PTK7: variants seen among roughly 807,000 people sequenced by gnomAD.
The protein encoded by PTK7 is inactive tyrosine-protein kinase 7.
In PTK7, 39 loss-of-function variants were observed where a neutral mutation model predicts 116.6. That is an observed-to-expected ratio of 0.33 (90% CI 0.26 to 0.44). The LOEUF (loss-of-function observed/expected upper bound fraction) is 0.44, where lower values mean the gene tolerates loss of function less well. PTK7 is among the 20% of genes least tolerant of loss of function. The pLI is 1.00. For missense variants in PTK7, 1,169 were observed against 1,425.6 expected (o/e 0.82, Z 2.90); for synonymous variants, 546 against 563.6 (o/e 0.97, Z 0.44).
intron 7 of PTK7, chr6:43,133,021 G>T: frequency 2.1e-6 from 1 of 474,964 alleles, no homozygotes; most frequent in South Asian, 5.5e-5. Flanking sequence ...CCACCTTACT[G>T]GGGTTCAGTC....
At position 43,076,588 on chromosome 6, in the gene PTK7, G is replaced by T; in HGVS notation, c.79+21G>T. 6.4e-7 allele frequency: 1 copy of T among 1,569,674 alleles called. No homozygotes were observed. Among genetic ancestry groups the T allele is most frequent in the Non-Finnish European group, 8.6e-7 (1 of 1,163,564 alleles). ...GGGCGGTGAGTACCCGAGAGTTGGG[G>T]GCACAGAGCTTGGGAAGCGCGGGAG... On this transcript the variant is annotated intron_variant, in intron 1 of 19. Transcript: ENST00000230419. The surrounding 1 kb of genome is among the most constrained non-coding windows in gnomAD (Gnocchi z 5.7).
chr6:43,129,143 C>T lies in PTK7; in HGVS notation c.246C>T (p.Gly82=), dbSNP rs1392548377. The change falls in exon 2 of 20, where the codon GGC becomes GGT. Residue 82 remains glycine (G), a synonymous_variant. Transcript: ENST00000230419. This position sits in a 1 kb window ranked among gnomAD's most constrained non-coding sequence, Gnocchi z 4.5. ...VQDTERRFAQ[G]SSLSFAAVDR... is the part of the protein sequence containing the mutation. Reference sequence around the variant, plus strand: ...ACACGGAGCGGCGTTTCGCCCAGGGCAGCAGCCTGAGCTTTGCAGCTGTGG... The same window carrying T: ...ACACGGAGCGGCGTTTCGCCCAGGGTAGCAGCCTGAGCTTTGCAGCTGTGG... The T allele has an allele frequency of 6.2e-7, 1 of 1,614,108 alleles. No individual in the cohort carries two copies. The highest frequency in any genetic ancestry group is 1.3e-5 in the African/African-American group (1 of 74,954).
At chr6:43,119,370 C>T (rs1204740529) in intron 1 of PTK7, among the ~76,000 whole-genome samples, 1 of 152,182 alleles carries the variant, frequency 6.6e-6, no homozygotes, top group Non-Finnish European at 1.5e-5. Context: ...AAGGCTACAA[C>T]CAGTCCAAGG....
chr6:43,086,509 A>G (rs1766667748), intron 1 of PTK7, among the ~76,000 whole-genome samples: 2 of 151,410 alleles, frequency 1.3e-5, no homozygotes, highest in African/African-American at 4.9e-5. Flanking sequence ...CCCAGCAGCT[A>G]GCTCGTATGG....
In PTK7 at chr6:43,145,369, G is replaced by A. The variant is rs1770667430; in HGVS notation, c.2577G>A (p.Val859=). The change falls in exon 16 of 20, where the codon GTG becomes GTA. Residue 859 remains valine, a synonymous_variant. Transcript: ENST00000230419. The surrounding 1 kb of genome is among the most constrained non-coding windows in gnomAD (Gnocchi z 4.8). ...MFGKLNHANV[V]RLLGLCREAE... ...GGAAGCTGAACCACGCCAACGTGGTGCGGCTCCTGGGGCTGTGCCGGGAGG... is the reference window on the plus strand; with the variant it reads ...GGAAGCTGAACCACGCCAACGTGGTACGGCTCCTGGGGCTGTGCCGGGAGG... The A allele has an allele frequency of 4.3e-6, 7 of 1,613,326 alleles. No individual in the cohort carries two copies. Among genetic ancestry groups the A allele is most frequent in the African/African-American group, 1.3e-5 (1 of 74,940 alleles).
At chr6:43,099,379 A>C (rs1484016927) in intron 1 of PTK7, among the ~76,000 whole-genome samples, 1 of 151,946 alleles carries the variant, frequency 6.6e-6, no homozygotes, top group African/African-American at 2.4e-5. Context: ...ACTACAGGCA[A>C]GCACCACCAT....
intron 16 of PTK7, 122 bp from the exon 17 acceptor site, chr6:43,146,496 G>C: frequency 1.2e-6 from 1 of 833,100 alleles, no homozygotes; most frequent in East Asian, 2.5e-5. Context: ...AAGGGGCCCA[G>C]GCTAGCTTAG....
intron 17 of PTK7, among the ~76,000 whole-genome samples, chr6:43,148,904 C>A (rs1770884010): frequency 6.6e-6 from 1 of 150,514 alleles, no homozygotes; most frequent in Non-Finnish European, 1.5e-5. Flanking sequence ...ACTAAAAATA[C>A]AAAAATTAGC....
rs998330240 is a variant in PTK7, at chr6:43,077,039, G to T, written c.79+472G>T. The T allele has an allele frequency of 7.5e-6, 10 of 1,336,364 alleles. No homozygotes were observed. The African/African-American group carries it at 1.5e-4, about 20-fold the overall frequency. 82.8% of individuals were successfully genotyped at this position (1,336,364 alleles called of 1,614,324 possible). A position where few individuals can be genotyped will look rare whatever the true frequency, so the allele number is the denominator to read the frequency against. On this transcript the variant is annotated intron_variant, in intron 1 of 19. Transcript: ENST00000230419. ...GCCGGACAGACCTGCGGCGCGCAAAGCGCGGAGCTTTGTTACCTACGCCGA... is the reference window on the plus strand; with the variant it reads ...GCCGGACAGACCTGCGGCGCGCAAATCGCGGAGCTTTGTTACCTACGCCGA...
intron 17 of PTK7, among the ~76,000 whole-genome samples, chr6:43,157,364 A>ATATATATATATATTTTTTTTTT (rs70990168): frequency 3.7e-5 from 2 of 54,366 alleles, no homozygotes; most frequent in Non-Finnish European, 6.5e-5. Flanking sequence ...ATATATATAT[A>ATATATATATATATTTTTTTTTT]TTTTTTTTTT....
At chr6:43,079,783 A>T (rs1766265470) in intron 1 of PTK7, among the ~76,000 whole-genome samples, 1 of 151,334 alleles carries the variant, frequency 6.6e-6, no homozygotes, top group Non-Finnish European at 1.5e-5. Flanking sequence ...ATCATCTCTA[A>T]GGGCCAGGTT....
chr6:43,113,426 C>A (rs1768300787), intron 1 of PTK7, among the ~76,000 whole-genome samples: 1 of 151,736 alleles, frequency 6.6e-6, no homozygotes, highest in Non-Finnish European at 1.5e-5. Context: ...GAGCGGTACT[C>A]CATCTCAAAA....
intron 1 of PTK7, among the ~76,000 whole-genome samples, chr6:43,084,721 G>C (rs1486095414): frequency 6.6e-6 from 1 of 152,186 alleles, no homozygotes; most frequent in East Asian, 1.9e-4. Context: ...TTGGTAAAGT[G>C]CTAAGTAGAA....
chr6:43,122,592 G>T (rs1769025434), intron 1 of PTK7, among the ~76,000 whole-genome samples: 1 of 150,940 alleles, frequency 6.6e-6, no homozygotes, highest in Non-Finnish European at 1.5e-5. Context: ...AGGCCGTGGA[G>T]CCGGGGACTG....
chr6:43,129,300 C>G lies in PTK7; in HGVS notation c.367+36C>G, dbSNP rs372915653. 9 of 1,611,398 alleles carry G rather than the reference C, an allele frequency of 5.6e-6. No individual in the cohort carries two copies. In the African/African-American group the frequency reaches 1.2e-4, roughly 22 times the overall value. ...GGGGGGCTGTGCCCAGTCCCCCTGT[C>G]AGACCCTCAATGACTGAGGCCTGGG... On this transcript the variant is annotated intron_variant, in intron 2 of 19. Transcript: ENST00000230419. This position sits in a 1 kb window ranked among gnomAD's most constrained non-coding sequence, Gnocchi z 4.5.
chr6:43,134,043 T>C (rs559135047), intron 7 of PTK7, among the ~76,000 whole-genome samples: 2 of 152,246 alleles, frequency 1.3e-5, no homozygotes, highest in East Asian at 3.9e-4. Flanking sequence ...GGGATACTTT[T>C]TCTTCTTTTG....
rs775796936 is a variant in PTK7 at position 43,145,230 on chromosome 6, C to T, written c.2438C>T (p.Ala813Val). The T allele has an allele frequency of 1.9e-6, 3 of 1,611,976 alleles. No homozygotes were observed. The highest frequency in any genetic ancestry group is 2.5e-6 in the Non-Finnish European group (3 of 1,178,726). Residue 813 changes from alanine (A) to valine (V), a missense_variant, in exon 16 of 20, where the codon GCA becomes GTA. Ala to Val is a moderately conservative substitution (Grantham distance 64, BLOSUM62 0). This residue lies in a region of PTK7 where 678 missense variants were observed against 853.8 expected (regional missense o/e 0.79). Coordinates refer to ENST00000230419, the MANE Select transcript of PTK7 (RefSeq NM_002821.5). This position sits in a 1 kb window ranked among gnomAD's most constrained non-coding sequence, Gnocchi z 4.8. ...AGTGAGTTTGGGGAGGTGTTCCTGG[C>T]AAAGGCTCAGGGCTTGGAGGAGGGA... ...GKSEFGEVFL[A>V]KAQGLEEGVA...
chr6:43,132,607 A>C lies in PTK7; in HGVS notation c.1148A>C (p.Glu383Ala). The C allele has an allele frequency of 6.2e-7, 1 of 1,610,424 alleles. No individual in the cohort carries two copies. The highest frequency in any genetic ancestry group is 8.5e-7 in the Non-Finnish European group (1 of 1,178,470). ...GAGCTGGTGTTGGCCAATATTGCTG[A>C]AAGTGATGCTGGTGTCTACACCTGC... The part of the protein sequence containing the change: ...GHELVLANIA[E>A]SDAGVYTCHA... Residue 383 changes from glutamate (E) to alanine (A), a missense_variant, in exon 7 of 20, where the codon GAA becomes GCA. This residue lies in a region of PTK7 where 487 missense variants were observed against 549.8 expected (regional missense o/e 0.89). Coordinates refer to ENST00000230419, the MANE Select transcript of PTK7 (RefSeq NM_002821.5).
intron 7 of PTK7, among the ~76,000 whole-genome samples, chr6:43,134,600 T>C (rs1482165216): frequency 6.6e-6 from 1 of 151,792 alleles, no homozygotes; most frequent in Admixed American, 6.6e-5. Context: ...ACCAACATGG[T>C]GAAACCCCGT....
Sources: gnomAD v4.1 joint callset for allele counts (sites outside exome capture counted in the v4.1 genomes callset) on GRCh38, gnomAD v4.1.1 for gene constraint, gnomAD v4.1.1 regional missense constraint, Gnocchi (gnomAD v3.1) non-coding constraint, MANE v1.5 for transcripts, NCBI Gene and HGNC (gene_info 2026-07-23, HGNC 2026-07-21) for gene names.